Variants in CCNE1 observed in about 807,000 individuals in gnomAD.
CCNE1 encodes cyclin E1, also known as G1/S-specific cyclin-E1.
Under a neutral mutation model 54.1 loss-of-function variants are expected in CCNE1, and 8 were observed. The ratio of observed to expected loss-of-function variants is 0.15; its 90% CI spans 0.09 to 0.27. CCNE1 has a LOEUF of 0.27. Among genes scored for constraint, CCNE1 ranks in the 10% least tolerant of loss-of-function variants. CCNE1 has a pLI of 1.00. For synonymous variants in CCNE1, 179 were observed against 185.2 expected (o/e 0.97, Z 0.27); for missense variants, 430 against 514.9 (o/e 0.84, Z 1.60).
chr19:29,823,696 T>C lies in CCNE1; in HGVS notation c.1152T>C (p.Asn384=), dbSNP rs746734509. 3 of 1,614,136 alleles carry C rather than the reference T, an allele frequency of 1.9e-6. No homozygotes were observed. Among genetic ancestry groups the C allele is most frequent in the Admixed American group, 3.3e-5 (2 of 60,012 alleles). The change falls in exon 12 of 12, where the codon AAT becomes AAC. Residue 384 remains asparagine, a synonymous_variant. Transcript: ENST00000262643. ...AGAAAGCCATGTTGTCTGAACAAAATAGGGCTTCTCCTCTCCCCAGTGGGC... is the reference window on the plus strand; with the variant it reads ...AGAAAGCCATGTTGTCTGAACAAAACAGGGCTTCTCCTCTCCCCAGTGGGC... The part of the protein sequence containing the change: ...RAKKAMLSEQ[N]RASPLPSGLL...
At position 29,817,492 on chromosome 19, in the gene CCNE1, C is replaced by T; in HGVS notation, c.413C>T (p.Pro138Leu). The T allele has an allele frequency of 6.2e-7, 1 of 1,614,194 alleles. No homozygotes were observed. Among genetic ancestry groups the T allele is most frequent in the Non-Finnish European group, 8.5e-7 (1 of 1,180,032 alleles). Reference protein sequence around the residue: ...LRDQHFLEQHPLLQPKMRAIL... With the variant: ...LRDQHFLEQHLLLQPKMRAIL... ...GATCAGCACTTTCTTGAGCAACACC[C>T]TCTTCTGCAGCCAAAAATGCGAGCA... Residue 138 changes from proline (P) to leucine (L), a missense_variant, in exon 6 of 12, where the codon CCT (proline) becomes CTT (leucine). Pro to Leu is a moderately conservative substitution (Grantham distance 98). This residue lies in a region of CCNE1 where 303 missense variants were observed against 401.1 expected (regional missense o/e 0.76). Coordinates refer to ENST00000262643, the MANE Select transcript of CCNE1 (RefSeq NM_001238.4).
intron 6 of CCNE1, among the ~76,000 whole-genome samples, chr19:29,818,898 G>A (rs964225183): frequency 2.6e-5 from 4 of 152,096 alleles, no homozygotes; most frequent in Non-Finnish European, 5.9e-5. Flanking sequence ...GAGTAGCTGG[G>A]ATTACAGGCA....
chr19:29,815,199 A>G (rs1376237506), intron 4 of CCNE1, among the ~76,000 whole-genome samples: 1 of 152,248 alleles, frequency 6.6e-6, no homozygotes, highest in Non-Finnish European at 1.5e-5. Context: ...CTGCTCTCAG[A>G]TGTGCCAGCC....
chr19:29,815,414 A>G (rs1213646988), intron 4 of CCNE1, among the ~76,000 whole-genome samples: 1 of 152,076 alleles, frequency 6.6e-6, no homozygotes, highest in Admixed American at 6.5e-5. Context: ...TGCATGCCCA[A>G]TTCTTTGTAC....
chr19:29,814,560 G>C lies in CCNE1; in HGVS notation c.180+1523G>C, dbSNP rs1471804989. On this transcript the variant is annotated intron_variant, in intron 4 of 11. Coordinates refer to ENST00000262643, the MANE Select transcript of CCNE1 (RefSeq NM_001238.4). ...TTCTATACGTTTTGTAGAGTAGATA[G>C]CTTAAACATTAGCTGTCTATGTATG... is the stretch of plus-strand genomic sequence containing the variant. Among the ~76,000 whole-genome samples, 3 of 152,218 alleles carry C rather than the reference G, an allele frequency of 2.0e-5. No individual in the cohort carries two copies. In the East Asian group the frequency reaches 5.8e-4, roughly 29 times the overall value.
chr19:29,820,110 G>C (rs1009770893), intron 6 of CCNE1, among the ~76,000 whole-genome samples: 6 of 152,234 alleles, frequency 3.9e-5, no homozygotes, highest in Non-Finnish European at 7.3e-5. Context: ...GCACTGCTGT[G>C]CTGTGACAGT....
chr19:29,819,109 T>C (rs1974093256), intron 6 of CCNE1, among the ~76,000 whole-genome samples: 1 of 151,910 alleles, frequency 6.6e-6, no homozygotes, highest in Non-Finnish European at 1.5e-5. Flanking sequence ...CAGGGTATAG[T>C]GGCTCAGGCT....
Position 29,812,467 on chromosome 19 carries a change from AG to A in CCNE1, c.-24-60del. 3.7e-6 allele frequency: 4 copies of A among 1,093,920 alleles called. 1 individual carries two copies. Among genetic ancestry groups the A allele is most frequent in the Non-Finnish European group, 4.6e-6 (4 of 875,278 alleles). 67.8% of individuals were successfully genotyped at this position (1,093,920 alleles called of 1,614,324 possible). A position where few individuals can be genotyped will look rare whatever the true frequency, so the allele number is the denominator to read the frequency against. On this transcript the variant is annotated intron_variant, in intron 1 of 11. Transcript: ENST00000262643. ...GGCTCGCCCGGCCGCCCGCGCGCAAAGGGGGAAGGGGTACTGGGCCCGCGGC... is the reference window on the plus strand; with the variant it reads ...GGCTCGCCCGGCCGCCCGCGCGCAAAGGGGAAGGGGTACTGGGCCCGCGGC...
chr19:29,816,756 G>A (rs532766404), intron 4 of CCNE1, among the ~76,000 whole-genome samples: 193 of 152,094 alleles, frequency 1.3e-3, no homozygotes, highest in African/African-American at 4.6e-3. Flanking sequence ...CAACGTGCAG[G>A]TTAGTTACAT....
In CCNE1 at chr19:29,824,139, C is replaced by A; in HGVS notation, c.*362C>A. On this transcript the variant is annotated 3_prime_UTR_variant, in exon 12 of 12. Transcript: ENST00000262643. ...CGCAGGTGTTCTGGGCTCCGTTGTACCAAGTGGAGCAGGTGGTTGCGGGCA... is the reference window on the plus strand; with the variant it reads ...CGCAGGTGTTCTGGGCTCCGTTGTAACAAGTGGAGCAGGTGGTTGCGGGCA... 1 of 275,274 alleles carries A rather than the reference C, an allele frequency of 3.6e-6. No individual in the cohort carries two copies. The allele number at this position is 275,274 out of a possible 1,614,324, so 17.1% of individuals were successfully genotyped here.
intron 6 of CCNE1, 34 bp from the exon 7 acceptor site, chr19:29,820,658 AAGTAAAACTT>A: frequency 1.4e-6 from 2 of 1,443,812 alleles, no homozygotes; most frequent in Non-Finnish European, 1.9e-6. Flanking sequence ...CCCCTCCCTC[AAGTAAAACTT>A]ACTTGTGCTA....
chr19:29,813,141 GAACT>G, intron 4 of CCNE1, 104 bp downstream of exon 4: 1 of 1,060,694 alleles, frequency 9.4e-7, no homozygotes, highest in Non-Finnish European at 1.4e-6. Context: ...TGGTGAGAGT[GAACT>G]TCTCTAATGC....
intron 6 of CCNE1, 102 bp downstream of exon 6, chr19:29,817,643 C>A: frequency 8.1e-7 from 1 of 1,241,106 alleles, no homozygotes; most frequent in Non-Finnish European, 1.2e-6. Flanking sequence ...ACATGTTCTC[C>A]ATCTCTGAAG....
At chr19:29,820,932 C>A in intron 7 of CCNE1, 84 bp downstream of exon 7, 1 of 1,038,936 alleles carries the variant, frequency 9.6e-7, no homozygotes. Context: ...TGGCGCTTAG[C>A]CTATAGCACT....
At chr19:29,813,461 C>A in intron 4 of CCNE1, 1 of 161,178 alleles carries the variant, frequency 6.2e-6, no homozygotes, top group Non-Finnish European at 1.3e-5. Flanking sequence ...TGTTTATAAG[C>A]AACAACTTTC....
intron 6 of CCNE1, among the ~76,000 whole-genome samples, chr19:29,818,236 C>G (rs1201479121): frequency 6.6e-6 from 1 of 152,148 alleles, no homozygotes; most frequent in Admixed American, 6.5e-5. Context: ...CCGTGTTAGC[C>G]AGGATGGTCT....
intron 6 of CCNE1, among the ~76,000 whole-genome samples, chr19:29,819,719 G>A (rs1353457733): frequency 6.6e-6 from 1 of 152,220 alleles, no homozygotes; most frequent in Non-Finnish European, 1.5e-5. Flanking sequence ...GGGATGAACT[G>A]CGGTAGCTTA....
Position 29,823,785 on chromosome 19 carries a change from A to G in CCNE1, c.*8A>G. On this transcript the variant is annotated 3_prime_UTR_variant, in exon 12 of 12. Transcript: ENST00000262643. ...GGGCCGGAAATGGCGTGACCACCCC[A>G]TCCTTCTCCACCAAAGACAGTTGCG... The G allele has an allele frequency of 6.2e-7, 1 of 1,606,688 alleles. No individual in the cohort carries two copies.
At chr19:29,820,562 AAAAC>A (rs932089316) in intron 6 of CCNE1, 136 bp from the exon 7 acceptor site, 17 of 664,672 alleles carry the variant, frequency 2.6e-5, no homozygotes, top group Middle Eastern at 4.2e-4. Flanking sequence ...AAAAAACAAA[AAAAC>A]AAAAAACTAT....
Sources: gnomAD v4.1 joint callset for allele counts (sites outside exome capture counted in the v4.1 genomes callset) on GRCh38, gnomAD v4.1.1 for gene constraint, gnomAD v4.1.1 regional missense constraint, MANE v1.5 for transcripts, NCBI Gene and HGNC (gene_info 2026-07-23, HGNC 2026-07-21) for gene names.